SNTB2: variants seen among roughly 807,000 people sequenced by gnomAD.
SNTB2 encodes beta-2-syntrophin.
SNTB2 carries 34 observed loss-of-function variants against 46.2 expected under a neutral mutation model. The ratio of observed to expected loss-of-function variants is 0.74; its 90% CI spans 0.56 to 0.98. The LOEUF is 0.98. Ranked by LOEUF, SNTB2 falls within the 50% of genes least tolerant of loss-of-function variation. The probability of loss-of-function intolerance (pLI) is 0.00; values close to 1 mark genes in which losing one functional copy is unlikely to be tolerated. For missense variants in SNTB2, 603 were observed against 731.4 expected, an observed-to-expected ratio of 0.82 and a Z score of 2.02; for synonymous variants, 290 against 312.6, an observed-to-expected ratio of 0.93 and a Z score of 0.76.
intron 1 of SNTB2, among the ~76,000 whole-genome samples, chr16:69,234,152 G>A (rs1418525329): frequency 6.6e-6 from 1 of 152,180 alleles, no homozygotes; most frequent in African/African-American, 2.4e-5. Context: ...GCAACATGGC[G>A]AAACCCTGTC....
intron 3 of SNTB2, among the ~76,000 whole-genome samples, chr16:69,263,301 G>T (rs888585327): frequency 6.6e-6 from 1 of 151,794 alleles, no homozygotes; most frequent in African/African-American, 2.4e-5. Context: ...GTAGAGATAG[G>T]ATCTCACTGT....
chr16:69,188,239 C>T (rs539075928), intron 1 of SNTB2, among the ~76,000 whole-genome samples: 82 of 152,220 alleles, frequency 5.4e-4, no homozygotes, highest in African/African-American at 1.9e-3. Flanking sequence ...CCATCATTGG[C>T]TCTCAACAAT....
chr16:69,218,454 C>G (rs913037723), intron 1 of SNTB2, among the ~76,000 whole-genome samples: 5 of 149,496 alleles, frequency 3.3e-5, no homozygotes, highest in African/African-American at 9.9e-5. Flanking sequence ...TGGAGTATCA[C>G]TTTGTTGCCC....
intron 1 of SNTB2, among the ~76,000 whole-genome samples, chr16:69,189,563 C>A (rs1964029313): frequency 6.6e-6 from 1 of 151,696 alleles, no homozygotes; most frequent in South Asian, 2.1e-4. Context: ...ATGACGAAAC[C>A]TCGTCTCTAC....
Position 69,187,240 on chromosome 16 carries a change from C to T in SNTB2, c.74C>T (p.Ala25Val). Residue 25 changes from alanine to valine, a missense_variant, in exon 1 of 7, where the codon GCG becomes GTG. This residue lies in a region of SNTB2 where 537 missense variants were observed against 692.4 expected (regional missense o/e 0.78). Transcript: ENST00000336278. ...AMAVWTRATK[A>V]GLVELLLRER... Reference sequence around the variant, plus strand: ...GCGGTGTGGACGCGGGCCACCAAAGCGGGGCTGGTGGAGCTGCTCCTGAGG... The same window carrying T: ...GCGGTGTGGACGCGGGCCACCAAAGTGGGGCTGGTGGAGCTGCTCCTGAGG... 2.7e-6 allele frequency: 4 copies of T among 1,464,996 alleles called. No homozygotes were observed. The highest frequency in any genetic ancestry group is 3.6e-6 in the Non-Finnish European group (4 of 1,110,178). 90.7% of individuals were successfully genotyped at this position (1,464,996 alleles called of 1,614,324 possible). A position where few individuals can be genotyped will look rare whatever the true frequency, so the allele number is the denominator to read the frequency against.
At chr16:69,264,199 G>C (rs935736642) in intron 3 of SNTB2, among the ~76,000 whole-genome samples, 1 of 152,158 alleles carries the variant, frequency 6.6e-6, no homozygotes, top group Non-Finnish European at 1.5e-5. Flanking sequence ...CCCAGGACCT[G>C]TGATGCCAAG....
chr16:69,197,347 G>T (rs72789256), intron 1 of SNTB2, among the ~76,000 whole-genome samples: 1 of 152,156 alleles, frequency 6.6e-6, no homozygotes. Context: ...GTTTAGAGGG[G>T]AAAGGCATGT....
chr16:69,264,173 T>C (rs2143101460), intron 3 of SNTB2, among the ~76,000 whole-genome samples: 1 of 152,276 alleles, frequency 6.6e-6, no homozygotes, highest in East Asian at 1.9e-4. Context: ...CTATCTTGTC[T>C]CTGCACCTGA....
chr16:69,208,651 A>G (rs1308388495), intron 1 of SNTB2, among the ~76,000 whole-genome samples: 9 of 152,158 alleles, frequency 5.9e-5, no homozygotes, highest in African/African-American at 2.2e-4. Flanking sequence ...TCTTTAAAAC[A>G]GTGAAGAATA....
In SNTB2 at chr16:69,301,019, A is replaced by G; in HGVS notation, c.*95A>G. On this transcript the variant is annotated 3_prime_UTR_variant, in exon 7 of 7. Transcript: ENST00000336278. Reference sequence around the variant, plus strand: ...AAAAAGAAACTCTTTGCTCTCCTTCAGCACAGTGCCTTCCCAAGGACCTGC... The same window carrying G: ...AAAAAGAAACTCTTTGCTCTCCTTCGGCACAGTGCCTTCCCAAGGACCTGC... The G allele has an allele frequency of 1.3e-6, 1 of 747,262 alleles. No homozygotes were observed. The allele number at this position is 747,262 out of a possible 1,614,324, so 46.3% of individuals were successfully genotyped here.
intron 2 of SNTB2, among the ~76,000 whole-genome samples, chr16:69,259,117 A>T (rs1187596976): frequency 6.6e-6 from 1 of 151,408 alleles, no homozygotes; most frequent in Admixed American, 6.6e-5. Flanking sequence ...TCTACTGTAG[A>T]CTCTACAGTA....
At chr16:69,296,901 G>A (rs934498545) in intron 5 of SNTB2, among the ~76,000 whole-genome samples, 2 of 150,802 alleles carry the variant, frequency 1.3e-5, no homozygotes, top group South Asian at 2.1e-4. Flanking sequence ...CCAGCTACTC[G>A]GGAGGCTGAG....
chr16:69,257,014 ACAAAAAATTAGCCAGGCTTGGTGG>A (rs1211563373), intron 2 of SNTB2, among the ~76,000 whole-genome samples: 2 of 152,196 alleles, frequency 1.3e-5, no homozygotes, highest in East Asian at 3.9e-4. Context: ...TACTAAAAAT[ACAAAAAATTAGCCAGGCTTGGTGG>A]CATGTACCTG....
intron 5 of SNTB2, among the ~76,000 whole-genome samples, chr16:69,292,397 T>TGACCTCAGGTG: frequency 3.5e-5 from 1 of 28,448 alleles, no homozygotes; most frequent in African/African-American, 3.6e-4. Context: ...ATATTATATA[T>TGACCTCAGGTG]ATATATATAT....
At chr16:69,206,827 G>C (rs926602012) in intron 1 of SNTB2, among the ~76,000 whole-genome samples, 1 of 151,356 alleles carries the variant, frequency 6.6e-6, no homozygotes, top group African/African-American at 2.4e-5. Flanking sequence ...GTGCAGTGGC[G>C]CAATCTCAGC....
At chr16:69,251,119 C>T (rs1247355782) in intron 2 of SNTB2, among the ~76,000 whole-genome samples, 1 of 149,780 alleles carries the variant, frequency 6.7e-6, no homozygotes, top group Non-Finnish European at 1.5e-5. Flanking sequence ...GCTGCGACTA[C>T]AGGCTCCCGC....
intron 4 of SNTB2, among the ~76,000 whole-genome samples, chr16:69,283,589 A>G (rs1415192628): frequency 6.6e-6 from 1 of 152,202 alleles, no homozygotes; most frequent in Non-Finnish European, 1.5e-5. Flanking sequence ...AAATGCAGTT[A>G]GCTATCCATT....
At chr16:69,209,880 A>G (rs1964261855) in intron 1 of SNTB2, among the ~76,000 whole-genome samples, 1 of 152,132 alleles carries the variant, frequency 6.6e-6, no homozygotes, top group Non-Finnish European at 1.5e-5. Flanking sequence ...ATCTTGTAGT[A>G]TACTCACAAA....
rs137963940 is a variant in SNTB2 at position 69,190,204 on chromosome 16, A to G, written c.580+2458A>G. On this transcript the variant is annotated intron_variant, in intron 1 of 6. Coordinates refer to ENST00000336278, the MANE Select transcript of SNTB2 (RefSeq NM_006750.4). Reference sequence around the variant, plus strand: ...GTCTTTAAAGTTTTCAGGCTGTACCATGTTGTCCTTCCATTAGATGTCTGA... The same window carrying G: ...GTCTTTAAAGTTTTCAGGCTGTACCGTGTTGTCCTTCCATTAGATGTCTGA... 2.6e-5 allele frequency among the ~76,000 whole-genome samples: 4 copies of G among 152,320 alleles called. No individual in the cohort carries two copies. The East Asian group carries it at 7.7e-4, about 29-fold the overall frequency.
Sources: gnomAD v4.1 joint callset for allele counts (sites outside exome capture counted in the v4.1 genomes callset) on GRCh38, gnomAD v4.1.1 for gene constraint, gnomAD v4.1.1 regional missense constraint, MANE v1.5 for transcripts, NCBI Gene and HGNC (gene_info 2026-07-23, HGNC 2026-07-21) for gene names.